MICAL3: variants seen among roughly 807,000 people sequenced by gnomAD.
The protein encoded by MICAL3 is microtubule associated monooxygenase, calponin and LIM domain containing 3.
In MICAL3, 62 loss-of-function variants were observed where a neutral mutation model predicts 207.4. The observed-to-expected ratio is 0.30, with a 90% CI of 0.24 to 0.37. MICAL3 has a LOEUF of 0.37. Among genes scored for constraint, MICAL3 ranks in the 10% least tolerant of loss-of-function variants. The pLI, the probability that MICAL3 is intolerant of heterozygous loss-of-function variation, is 1.00. For missense variants in MICAL3, 2,368 were observed against 2,635.6 expected, an observed-to-expected ratio of 0.90 and a Z score of 2.22; for synonymous variants, 1,077 against 1,069.3, an observed-to-expected ratio of 1.01 and a Z score of -0.14.
At chr22:17,842,889 A>G (rs1179022159) in intron 19 of MICAL3, among the ~76,000 whole-genome samples, 1 of 152,170 alleles carries the variant, frequency 6.6e-6, no homozygotes, top group Non-Finnish European at 1.5e-5. Flanking sequence ...GGGGAGGCCG[A>G]TGCAGGTGGA....
At chr22:17,873,446 G>A (rs1927933607) in intron 16 of MICAL3, among the ~76,000 whole-genome samples, 1 of 152,266 alleles carries the variant, frequency 6.6e-6, no homozygotes, top group Admixed American at 6.5e-5. Context: ...TGTTTTGGAA[G>A]AAGCCTTCTC....
chr22:17,789,138 ATGTCCCCAT>A lies in MICAL3; in HGVS notation c.*1585_*1593del. ...GCTAGTGATTCGGGGCTCGCCCTTTATGTCCCCATGAAGATCCGGCACAAGGCAGGTGCC... is the reference window on the plus strand; with the variant it reads ...GCTAGTGATTCGGGGCTCGCCCTTTAGAAGATCCGGCACAAGGCAGGTGCC... On this transcript the variant is annotated 3_prime_UTR_variant, in exon 32 of 32. Transcript: ENST00000441493. 6.6e-6 allele frequency: 1 copy of A among 152,268 alleles called. No homozygotes were observed. The highest frequency in any genetic ancestry group is 1.5e-5 in the Non-Finnish European group (1 of 68,084). 9.4% of individuals were successfully genotyped at this position (152,268 alleles called of 1,614,324 possible).
intron 1 of MICAL3, among the ~76,000 whole-genome samples, chr22:17,957,924 C>T (rs888881041): frequency 2.0e-5 from 3 of 152,046 alleles, no homozygotes; most frequent in African/African-American, 4.8e-5. Flanking sequence ...GTTTCTTAAG[C>T]GGCAAGCCCT....
intron 1 of MICAL3, among the ~76,000 whole-genome samples, chr22:17,964,544 A>C (rs902074515): frequency 3.9e-5 from 6 of 152,166 alleles, no homozygotes; most frequent in African/African-American, 1.4e-4. Flanking sequence ...GATTAGCTCC[A>C]CAGGACTTGG....
chr22:17,845,309 A>C (rs897101417), intron 19 of MICAL3, among the ~76,000 whole-genome samples: 1 of 152,218 alleles, frequency 6.6e-6, no homozygotes, highest in African/African-American at 2.4e-5. Flanking sequence ...AAAACATCCA[A>C]GAGGCGTCTG....
At chr22:17,800,925 C>T (rs542568374) in intron 29 of MICAL3, among the ~76,000 whole-genome samples, 9 of 152,248 alleles carry the variant, frequency 5.9e-5, no homozygotes, top group Non-Finnish European at 5.9e-5. Flanking sequence ...ACGGGCGTGG[C>T]GAGAACAGGG....
chr22:17,834,534 T>G (rs1207694262), intron 20 of MICAL3: 2 of 1,193,598 alleles, frequency 1.7e-6, no homozygotes, highest in Non-Finnish European at 2.1e-6. Flanking sequence ...TGGGCAACCA[T>G]GGGGAGACCC....
chr22:17,896,689 C>A (rs1930871164), intron 8 of MICAL3, 35 bp downstream of exon 8: 2 of 1,602,526 alleles, frequency 1.2e-6, no homozygotes, highest in South Asian at 2.2e-5. Flanking sequence ...TTATTCCTGC[C>A]CCTACCACAG....
intron 16 of MICAL3, chr22:17,876,838 G>GGGAGGTTAGGGAGGTTAT (rs1602119070): frequency 1.7e-5 from 1 of 58,888 alleles, no homozygotes; most frequent in Non-Finnish European, 3.6e-5. Context: ...ATGGAGGTTA[G>GGGAGGTTAGGGAGGTTAT]GGAGGTTAGG....
intron 1 of MICAL3, among the ~76,000 whole-genome samples, chr22:18,002,436 C>G: frequency 6.6e-6 from 1 of 152,080 alleles, no homozygotes; most frequent in Non-Finnish European, 1.5e-5. Context: ...AGCTCGAGGC[C>G]GGCCTTACCA....
intron 20 of MICAL3, among the ~76,000 whole-genome samples, chr22:17,834,123 C>G (rs1159731597): frequency 3.3e-5 from 5 of 152,192 alleles, no homozygotes; most frequent in Non-Finnish European, 5.9e-5. Context: ...TGTATTCCCT[C>G]TTTTCAGCTG....
At chr22:17,884,448 A>T in intron 16 of MICAL3, 1 of 959,536 alleles carries the variant, frequency 1.0e-6, no homozygotes, top group East Asian at 3.0e-5. Context: ...AACAGAAAGA[A>T]CTCACAGGCG....
intron 1 of MICAL3, among the ~76,000 whole-genome samples, chr22:17,918,407 A>G (rs117114823): frequency 0.013 from 1,988 of 152,320 alleles, 27 homozygotes; most frequent in Non-Finnish European, 0.017. Flanking sequence ...AAAAAAAATT[A>G]CTTTCCAAGA....
At chr22:17,971,757 G>C (rs540502615) in intron 1 of MICAL3, among the ~76,000 whole-genome samples, 57 of 152,344 alleles carry the variant, frequency 3.7e-4, no homozygotes, top group South Asian at 1.0e-3. Context: ...CAGAACCTAA[G>C]ACAGAACATC....
intron 16 of MICAL3, among the ~76,000 whole-genome samples, chr22:17,877,266 G>C (rs1330916642): frequency 3.9e-5 from 4 of 102,850 alleles, no homozygotes; most frequent in Admixed American, 2.0e-4. Flanking sequence ...GGTTAGGGAA[G>C]TTATGGAGGT....
At chr22:17,970,321 C>G (rs28512360) in intron 1 of MICAL3, among the ~76,000 whole-genome samples, 57 of 140,342 alleles carry the variant, frequency 4.1e-4, no homozygotes, top group African/African-American at 1.8e-3. Flanking sequence ...CAGCTGCTGG[C>G]CCATGCTTAG....
chr22:17,919,842 T>C (rs554150271), intron 1 of MICAL3, among the ~76,000 whole-genome samples: 9 of 152,338 alleles, frequency 5.9e-5, no homozygotes, highest in Admixed American at 2.0e-4. Flanking sequence ...TTTGTTTCAA[T>C]AGCCAAATAG....
chr22:17,918,315 A>T (rs1047314035), intron 1 of MICAL3, among the ~76,000 whole-genome samples: 8 of 152,192 alleles, frequency 5.3e-5, no homozygotes, highest in Admixed American at 1.3e-4. Context: ...AGAGCTATCA[A>T]TATTTACTAT....
chr22:17,924,173 G>A (rs981396066), intron 1 of MICAL3, among the ~76,000 whole-genome samples: 2 of 152,192 alleles, frequency 1.3e-5, no homozygotes, highest in African/African-American at 4.8e-5. Flanking sequence ...TTCAGTATGA[G>A]ATTTGGGTGG....
Sources: gnomAD v4.1 joint callset for allele counts (sites outside exome capture counted in the v4.1 genomes callset) on GRCh38, gnomAD v4.1.1 for gene constraint, MANE v1.5 for transcripts, NCBI Gene and HGNC (gene_info 2026-07-23, HGNC 2026-07-21) for gene names.